EHMT1: variants seen among roughly 807,000 people sequenced by gnomAD.
EHMT1 encodes histone-lysine N-methyltransferase EHMT1.
In EHMT1, 15 loss-of-function variants were observed where a neutral mutation model predicts 147.2. That is an observed-to-expected ratio of 0.10 (90% CI 0.07 to 0.16). The LOEUF (loss-of-function observed/expected upper bound fraction) is 0.16. EHMT1 is among the 10% of genes least tolerant of loss of function. The pLI, the probability that EHMT1 is intolerant of heterozygous loss-of-function variation, is 1.00. For synonymous variants in EHMT1, 795 were observed against 709.6 expected (o/e 1.12, Z -1.91); for missense variants, 1,587 against 1,772.4 (o/e 0.90, Z 1.88).
chr9:137,753,807 G>A (rs1226043590), intron 7 of EHMT1, among the ~76,000 whole-genome samples: 4 of 152,174 alleles, frequency 2.6e-5, no homozygotes, highest in African/African-American at 9.7e-5. Flanking sequence ...GCCGAGCGTT[G>A]ATTGTCCCTT....
At chr9:137,799,035 C>T (rs1564784996) in intron 17 of EHMT1, 121 bp downstream of exon 17, 1 of 831,346 alleles carries the variant, frequency 1.2e-6, no homozygotes, top group Non-Finnish European at 2.0e-6. Context: ...ACAGAGCCAG[C>T]TCGGGCCCTC....
At chr9:137,683,008 G>C (rs919863165) in intron 1 of EHMT1, among the ~76,000 whole-genome samples, 2 of 152,236 alleles carry the variant, frequency 1.3e-5, no homozygotes, top group African/African-American at 4.8e-5. Context: ...TGGGTTTGCA[G>C]GATTTTCGCA....
intron 7 of EHMT1, 129 bp downstream of exon 7, chr9:137,752,537 T>C (rs1286914823): frequency 5.5e-6 from 6 of 1,082,016 alleles, no homozygotes; most frequent in Non-Finnish European, 8.2e-6. Context: ...GAGCTGGTCA[T>C]GGTGATGGCC....
At chr9:137,737,702 A>T (rs1947660256) in intron 4 of EHMT1, among the ~76,000 whole-genome samples, 1 of 152,166 alleles carries the variant, frequency 6.6e-6, no homozygotes, top group Non-Finnish European at 1.5e-5. Context: ...AAAGCTTTCT[A>T]TCTCCTTGTT....
chr9:137,675,802 T>TTTTTTTTTTTG lies in EHMT1; in HGVS notation c.22-35165_22-35164insTTTTTTTTTTG, dbSNP rs35541714. Among the ~76,000 whole-genome samples the TTTTTTTTTTTG allele has an allele frequency of 2.2e-3, 232 of 104,702 alleles. 10 individuals are homozygous for TTTTTTTTTTTG. Among genetic ancestry groups the TTTTTTTTTTTG allele is most frequent in the African/African-American group, 9.3e-3 (222 of 23,782 alleles). The allele number at this position is 104,702 out of a possible 152,430, so 68.7% of individuals were successfully genotyped here. A position where few individuals can be genotyped will look rare whatever the true frequency, so the allele number is the denominator to read the frequency against. On this transcript the variant is annotated intron_variant, in intron 1 of 26. Coordinates refer to ENST00000460843, the MANE Select transcript of EHMT1 (RefSeq NM_024757.5). ...TAATTTTTTTTTTTTTTTTTTTTTT[T>TTTTTTTTTTTG]AGACGGAGTCTCGCTCTGTCGCCCA... is the stretch of plus-strand genomic sequence containing the variant.
chr9:137,810,794 G>A (rs896780318), intron 18 of EHMT1, among the ~76,000 whole-genome samples: 1 of 151,806 alleles, frequency 6.6e-6, no homozygotes. Context: ...CTGCCTCCCG[G>A]GTTCAAGCAA....
chr9:137,700,134 G>C (rs2480112), intron 1 of EHMT1, among the ~76,000 whole-genome samples: 1 of 152,124 alleles, frequency 6.6e-6, no homozygotes, highest in Non-Finnish European at 1.5e-5. Flanking sequence ...CTACACACCA[G>C]TATTTACCTA....
At chr9:137,795,638 TTTG>T (rs1952881059) in intron 16 of EHMT1, among the ~76,000 whole-genome samples, 1 of 152,054 alleles carries the variant, frequency 6.6e-6, no homozygotes, top group African/African-American at 2.4e-5. Context: ...TGTTTGTTTG[TTTG>T]TTTTTAACCT....
chr9:137,822,029 C>T (rs1433808721), intron 25 of EHMT1, among the ~76,000 whole-genome samples: 1 of 152,186 alleles, frequency 6.6e-6, no homozygotes, highest in East Asian at 1.9e-4. Context: ...CCAGTGTAAT[C>T]AATGCCACAG....
chr9:137,779,491 T>C, intron 13 of EHMT1, 144 bp from the exon 14 acceptor site: 2 of 834,882 alleles, frequency 2.4e-6, no homozygotes, highest in South Asian at 3.1e-5. Context: ...TGCCGGGCCT[T>C]CCAGCCTTCA....
At chr9:137,826,003 C>A (rs1260347884) in intron 25 of EHMT1, among the ~76,000 whole-genome samples, 1 of 152,170 alleles carries the variant, frequency 6.6e-6, no homozygotes, top group African/African-American at 2.4e-5. Context: ...TTAAAAAAAT[C>A]TATTGAAATA....
chr9:137,692,461 C>T (rs1014361674), intron 1 of EHMT1, among the ~76,000 whole-genome samples: 3 of 151,778 alleles, frequency 2.0e-5, no homozygotes, highest in Admixed American at 6.6e-5. Context: ...AACGGGGTTT[C>T]GCTGTGTTGG....
intron 4 of EHMT1, among the ~76,000 whole-genome samples, chr9:137,741,301 A>G (rs754656560): frequency 6.6e-5 from 10 of 152,086 alleles, no homozygotes; most frequent in Non-Finnish European, 1.5e-4. Flanking sequence ...AAGCACATGA[A>G]ATGCAGGGTT....
At chr9:137,678,911 G>C (rs1941664643) in intron 1 of EHMT1, among the ~76,000 whole-genome samples, 1 of 152,148 alleles carries the variant, frequency 6.6e-6, no homozygotes, top group Non-Finnish European at 1.5e-5. Flanking sequence ...ACTCAGAGCA[G>C]TGTGCAGCTG....
At chr9:137,795,413 A>ACACACACACACT (rs1262134299) in intron 16 of EHMT1, among the ~76,000 whole-genome samples, 4 of 16,812 alleles carry the variant, frequency 2.4e-4, no homozygotes, top group African/African-American at 7.0e-4. Context: ...ACACACACAC[A>ACACACACACACT]CACACACACA....
chr9:137,715,602 C>T (rs182647459), intron 2 of EHMT1: 18 of 985,418 alleles, frequency 1.8e-5, no homozygotes, highest in East Asian at 2.3e-4. Context: ...GCGATGCCAT[C>T]GCAGGCTTCC....
Position 137,743,438 on chromosome 9 carries a change from C to T in EHMT1, c.891C>T (p.Ser297=), listed in dbSNP as rs376384316. Residue 297 remains serine (S), a synonymous_variant, in exon 5 of 27, where the codon AGC becomes AGT. Transcript: ENST00000460843. ...AAAAACGAAGAATGGGAACCTATAG[C>T]CTGGTTCCTAAGAAAAAGACCAAAG... The part of the protein sequence containing the change: ...RKKKRRMGTY[S]LVPKKKTKVL... 2.5e-5 allele frequency: 41 copies of T among 1,613,316 alleles called. No homozygotes were observed. The African/African-American group carries it at 4.3e-4, about 17-fold the overall frequency.
At chr9:137,771,636 A>G (rs1312944739) in intron 10 of EHMT1, among the ~76,000 whole-genome samples, 1 of 152,044 alleles carries the variant, frequency 6.6e-6, no homozygotes, top group East Asian at 1.9e-4. Flanking sequence ...TTGCTGGACG[A>G]CATGGTCTTA....
intron 1 of EHMT1, among the ~76,000 whole-genome samples, chr9:137,686,200 T>C (rs1435304962): frequency 2.0e-5 from 3 of 151,572 alleles, no homozygotes; most frequent in African/African-American, 7.3e-5. Context: ...GCACAGATGT[T>C]TTTAGTTTTG....
Sources: gnomAD v4.1 joint callset for allele counts (sites outside exome capture counted in the v4.1 genomes callset) on GRCh38, gnomAD v4.1.1 for gene constraint, MANE v1.5 for transcripts, NCBI Gene and HGNC (gene_info 2026-07-23, HGNC 2026-07-21) for gene names.